The following PCDH9 variants were observed in gnomAD, a reference collection of about 807,000 sequenced individuals.
PCDH9 encodes the protein protocadherin-9.
A neutral mutation model predicts 70.6 loss-of-function variants in PCDH9; 24 were observed. That is an observed-to-expected ratio of 0.34 (90% CI 0.25 to 0.48). PCDH9 has a LOEUF of 0.48. PCDH9 is among the 20% of genes least tolerant of loss of function. The pLI is 0.99. For missense variants in PCDH9, 1,281 were observed against 1,503.6 expected, an observed-to-expected ratio of 0.85 and a Z score of 2.45; for synonymous variants, 562 against 558.5, an observed-to-expected ratio of 1.01 and a Z score of -0.09.
At chr13:66,545,940 G>A (rs1250902246) in intron 4 of PCDH9, among the ~76,000 whole-genome samples, 7 of 151,534 alleles carry the variant, frequency 4.6e-5, no homozygotes, top group African/African-American at 7.3e-5. Flanking sequence ...CCGGGTTCAT[G>A]CCATTCTGCC....
chr13:66,403,938 G>GT (rs1281026002), intron 4 of PCDH9, among the ~76,000 whole-genome samples: 3 of 152,110 alleles, frequency 2.0e-5, no homozygotes, highest in Non-Finnish European at 2.9e-5. Flanking sequence ...GAGGTACATT[G>GT]TTTTTCAGGT....
At chr13:66,688,408 G>A (rs1384085344) in intron 3 of PCDH9, among the ~76,000 whole-genome samples, 2 of 152,090 alleles carry the variant, frequency 1.3e-5, no homozygotes, top group Non-Finnish European at 2.9e-5. Flanking sequence ...CCACGGAAGG[G>A]ATATGTGGTT....
chr13:66,829,731 A>AAAAAAAAAAAG (rs2080891655), intron 3 of PCDH9, among the ~76,000 whole-genome samples: 1 of 143,724 alleles, frequency 7.0e-6, no homozygotes, highest in Non-Finnish European at 1.5e-5. Flanking sequence ...AAAAAAAAAA[A>AAAAAAAAAAAG]AAAAAAAAAA....
intron 3 of PCDH9, among the ~76,000 whole-genome samples, chr13:66,776,533 CT>C (rs1351383087): frequency 1.3e-5 from 2 of 151,640 alleles, no homozygotes; most frequent in Admixed American, 1.3e-4. Context: ...TTCACAATTG[CT>C]TCAAAGAGAA....
intron 4 of PCDH9, among the ~76,000 whole-genome samples, chr13:66,406,469 T>C (rs1295576789): frequency 1.3e-5 from 2 of 152,206 alleles, no homozygotes; most frequent in Non-Finnish European, 2.9e-5. Context: ...ACTGTAACGC[T>C]TCCCATTAAG....
At chr13:66,369,681 G>A (rs1956613031) in intron 4 of PCDH9, among the ~76,000 whole-genome samples, 2 of 152,102 alleles carry the variant, frequency 1.3e-5, no homozygotes, top group Non-Finnish European at 2.9e-5. Flanking sequence ...AGGGTATGAA[G>A]TTAAACACTT....
chr13:66,597,548 C>T lies in PCDH9; in HGVS notation c.3340+33662G>A, dbSNP rs141137303. On this transcript the variant is annotated intron_variant, in intron 4 of 4. Transcript: ENST00000377865. Reference sequence around the variant, plus strand: ...CCACATGCAAAAGAATGAAATCAGACCCCTATCCCACATCATACACAAACA... The same window carrying T: ...CCACATGCAAAAGAATGAAATCAGATCCCTATCCCACATCATACACAAACA... Among the ~76,000 whole-genome samples the T allele has an allele frequency of 5.8e-3, 888 of 151,822 alleles. 10 individuals are homozygous for T. Among genetic ancestry groups the T allele is most frequent in the Middle Eastern group, 6.8e-3 (2 of 294 alleles).
intron 3 of PCDH9, among the ~76,000 whole-genome samples, chr13:66,806,910 G>A (rs2080419438): frequency 6.6e-6 from 1 of 152,078 alleles, no homozygotes. Context: ...ATCCATTTAT[G>A]ATAAAGAATT....
intron 3 of PCDH9, among the ~76,000 whole-genome samples, chr13:66,663,221 G>A (rs1488866793): frequency 2.0e-5 from 3 of 152,110 alleles, no homozygotes; most frequent in Non-Finnish European, 2.9e-5. Context: ...TTCTATTTAT[G>A]AGATTGATGT....
intron 3 of PCDH9, among the ~76,000 whole-genome samples, chr13:66,693,575 G>A (rs2139089336): frequency 6.6e-6 from 1 of 152,204 alleles, no homozygotes; most frequent in South Asian, 2.1e-4. Flanking sequence ...AGCTCTCTAT[G>A]GACAATTTGT....
chr13:66,894,276 T>C (rs147972763), intron 3 of PCDH9, among the ~76,000 whole-genome samples: 119 of 152,120 alleles, frequency 7.8e-4, no homozygotes, highest in African/African-American at 2.7e-3. Flanking sequence ...ATAAATACAC[T>C]GTCTGAACTA....
chr13:66,557,534 G>A lies in PCDH9; in HGVS notation c.3340+73676C>T, dbSNP rs371878780. The stretch of plus-strand genomic sequence containing the variant: ...TGCTCATAAATATAGAAATCATCAT[G>A]TACATAATTACATGGTGATTTATAT... On this transcript the variant is annotated intron_variant, in intron 4 of 4. Coordinates refer to ENST00000377865, the MANE Select transcript of PCDH9 (RefSeq NM_203487.3). Among the ~76,000 whole-genome samples the A allele has an allele frequency of 5.6e-4, 86 of 152,226 alleles. 3 individuals carry two copies. The South Asian group carries it at 0.017, about 30-fold the overall frequency.
At chr13:66,795,288 T>C (rs1213203684) in intron 3 of PCDH9, among the ~76,000 whole-genome samples, 1 of 152,146 alleles carries the variant, frequency 6.6e-6, no homozygotes, top group Non-Finnish European at 1.5e-5. Flanking sequence ...GAGAATCATG[T>C]CAATGCTCAA....
At chr13:66,680,561 C>T (rs79015791) in intron 3 of PCDH9, among the ~76,000 whole-genome samples, 2 of 151,796 alleles carry the variant, frequency 1.3e-5, no homozygotes, top group Non-Finnish European at 2.9e-5. Flanking sequence ...TGTTTTTTGA[C>T]AAGCTAACAA....
chr13:66,368,859 ACT>A (rs1386061344), intron 4 of PCDH9, among the ~76,000 whole-genome samples: 2 of 151,002 alleles, frequency 1.3e-5, no homozygotes. Context: ...GTGCAGGGAA[ACT>A]CTCCCTTATA....
chr13:66,686,948 T>C (rs1246398653), intron 3 of PCDH9, among the ~76,000 whole-genome samples: 1 of 152,188 alleles, frequency 6.6e-6, no homozygotes, highest in African/African-American at 2.4e-5. Flanking sequence ...ATGGACCTTT[T>C]ATCAAAGACT....
At chr13:66,404,258 G>A (rs1050324707) in intron 4 of PCDH9, among the ~76,000 whole-genome samples, 2 of 152,116 alleles carry the variant, frequency 1.3e-5, no homozygotes, top group Non-Finnish European at 2.9e-5. Flanking sequence ...TAAGTGATAG[G>A]AACCATTGGA....
intron 3 of PCDH9, among the ~76,000 whole-genome samples, chr13:66,862,485 C>T (rs1594167790): frequency 6.6e-6 from 1 of 152,178 alleles, no homozygotes; most frequent in African/African-American, 2.4e-5. Flanking sequence ...TGCATCATTG[C>T]TTATCACGGA....
chr13:66,622,375 C>G (rs567941181), intron 4 of PCDH9, among the ~76,000 whole-genome samples: 2 of 152,166 alleles, frequency 1.3e-5, no homozygotes, highest in South Asian at 2.1e-4. Flanking sequence ...CCTGCAGCCC[C>G]GGTGCAGGAG....
Sources: gnomAD v4.1 joint callset for allele counts (sites outside exome capture counted in the v4.1 genomes callset) on GRCh38, gnomAD v4.1.1 for gene constraint, MANE v1.5 for transcripts, NCBI Gene and HGNC (gene_info 2026-07-23, HGNC 2026-07-21) for gene names.